The following ZNF724 variants were observed in gnomAD, a reference collection of about 807,000 sequenced individuals.
The protein encoded by ZNF724 is zinc finger protein 724 pseudogene.
ZNF724 carries 14 observed loss-of-function variants against 29.3 expected under a neutral mutation model. The ratio of observed to expected loss-of-function variants is 0.48; its 90% confidence interval spans 0.32 to 0.75. The LOEUF is 0.75. Ranked by LOEUF, ZNF724 falls within the 30% of genes least tolerant of loss-of-function variation. The probability of loss-of-function intolerance (pLI) is 0.04; values close to 1 mark genes in which losing one functional copy is unlikely to be tolerated. For synonymous variants in ZNF724, 180 were observed against 193.6 expected, an observed-to-expected ratio of 0.93 and a Z score of 0.58; for missense variants, 557 against 571.2, an observed-to-expected ratio of 0.98 and a Z score of 0.25.
chr19:23,233,317 G>T (rs2145781251), intron 1 of ZNF724, among the ~76,000 whole-genome samples: 1 of 152,200 alleles, frequency 6.6e-6, no homozygotes, highest in South Asian at 2.1e-4. Context: ...CTAGAGAACA[G>T]GTATCTCCTG....
rs1424292759 is a variant in ZNF724, at chr19:23,223,592, C to A, written c.653G>T (p.Arg218Ile). ...NVSSTLSQHKRIHTGQKHYKC... is the reference protein window; with the variant it reads ...NVSSTLSQHKIIHTGQKHYKC... ...GTAGTGTTTTTGTCCTGTATGAATT[C>A]TCTTATGTTGAGAAAGGGTTGAGGA... The change falls in exon 4 of 4, where the codon AGA (arginine) becomes ATA (isoleucine). Residue 218 changes from arginine to isoleucine, a missense_variant. Transcript: ENST00000418100. The A allele has an allele frequency of 1.4e-6, 1 of 718,040 alleles. No individual in the cohort carries two copies. The allele number at this position is 718,040 out of a possible 1,614,324, so 44.5% of individuals were successfully genotyped here.
chr19:23,223,269 T>A lies in ZNF724; in HGVS notation c.976A>T (p.Thr326Ser). The A allele has an allele frequency of 1.2e-6, 1 of 836,712 alleles. No homozygotes were observed. The highest frequency in any genetic ancestry group is 2.1e-6 in the Non-Finnish European group (1 of 478,268). The allele number at this position is 836,712 out of a possible 1,614,324, so 51.8% of individuals were successfully genotyped here. Residue 326 changes from threonine (T) to serine (S), a missense_variant, in exon 4 of 4, where the codon ACT becomes TCT. By Grantham distance (58) the Thr-to-Ser change is moderately conservative. Transcript: ENST00000418100. The stretch of plus-strand genomic sequence containing the variant: ...CCAGTATGAATTCTCTTATGTTTAG[T>A]AAGGTTCGAGGATTGGTTAAAAGCT... The part of the protein sequence containing the change: ...GRAFNQSSNL[T>S]KHKRIHTGDK...
intron 3 of ZNF724, among the ~76,000 whole-genome samples, chr19:23,224,368 A>C (rs1045121563): frequency 3.3e-5 from 5 of 152,102 alleles, no homozygotes; most frequent in African/African-American, 9.7e-5. Context: ...AGCTGATATC[A>C]CACCAAGGCA....
At chr19:23,226,048 GTCTTT>G (rs1466573606) in intron 3 of ZNF724, among the ~76,000 whole-genome samples, 4 of 116,348 alleles carry the variant, frequency 3.4e-5, no homozygotes, top group Admixed American at 1.2e-4. Context: ...TAGAGAGAGG[GTCTTT>G]TTTTTTTTTT....
rs113912765 is a variant in ZNF724 at position 23,223,318 on chromosome 19, G to T, written c.927C>A (p.Pro309=). The change falls in exon 4 of 4, where the codon CCC becomes CCA. Residue 309 remains proline (P), a synonymous_variant. Transcript: ENST00000418100. ...RHKIIHAGEK[P]YICEHCGRAF... ...CTCTGCCACAATGTTCACATATGTA[G>T]GGCTTCTCTCCAGCATGAATTATCT... 3,773 of 770,742 alleles carry T rather than the reference G, an allele frequency of 4.9e-3. 87 individuals are homozygous for T. In the African/African-American group the frequency reaches 0.055, roughly 11 times the overall value. The allele number at this position is 770,742 out of a possible 1,614,324, so 47.7% of individuals were successfully genotyped here. A position where few individuals can be genotyped will look rare whatever the true frequency, so the allele number is the denominator to read the frequency against.
In ZNF724 at chr19:23,222,806, C is replaced by T; in HGVS notation, c.1439G>A (p.Cys480Tyr). 1 of 1,423,402 alleles carries T rather than the reference C, an allele frequency of 7.0e-7. No homozygotes were observed. Among genetic ancestry groups the T allele is most frequent in the Non-Finnish European group, 9.9e-7 (1 of 1,013,444 alleles). The allele number at this position is 1,423,402 out of a possible 1,614,324, so 88.2% of individuals were successfully genotyped here. A position where few individuals can be genotyped will look rare whatever the true frequency, so the allele number is the denominator to read the frequency against. Reference protein sequence around the residue: ...IIHTGEKPYKCEECGKAFNLS... With the variant: ...IIHTGEKPYKYEECGKAFNLS... Reference sequence around the variant, plus strand: ...GTTAAAAGCTTTGCCACATTCTTCACATTTGTAGGGTTTCTCTCCAGTATG... The same window carrying T: ...GTTAAAAGCTTTGCCACATTCTTCATATTTGTAGGGTTTCTCTCCAGTATG... Residue 480 changes from cysteine (C) to tyrosine (Y), a missense_variant, in exon 4 of 4, where the codon TGT becomes TAT. Around this residue, in one of 3 missense-constraint regions of ZNF724, gnomAD observed 170 missense variants for 220.7 expected, o/e 0.77. Transcript: ENST00000418100.
Position 23,222,609 on chromosome 19 carries a change from A to G in ZNF724, c.1636T>C (p.Tyr546His). The change falls in exon 4 of 4, where the codon TAC becomes CAC. Residue 546 changes from tyrosine (Y) to histidine (H), a missense_variant. By Grantham distance (83) the Tyr-to-His change is moderately conservative (BLOSUM62 2). Coordinates refer to ENST00000418100, the MANE Select transcript of ZNF724 (RefSeq NM_001355404.2). ...ATCTTATGTTGAGTAAGGTTTGAGT[A>G]TTGGTAAAAAGCTTTGCCACATTCT... ...CEECGKAFYQ[Y>H]SNLTQHKIIH... The G allele has an allele frequency of 7.3e-7, 1 of 1,370,216 alleles. No homozygotes were observed. Among genetic ancestry groups the G allele is most frequent in the Non-Finnish European group, 1.0e-6 (1 of 959,708 alleles). The allele number at this position is 1,370,216 out of a possible 1,614,324, so 84.9% of individuals were successfully genotyped here. A position where few individuals can be genotyped will look rare whatever the true frequency, so the allele number is the denominator to read the frequency against.
intron 1 of ZNF724, among the ~76,000 whole-genome samples, chr19:23,247,163 C>T (rs2145797281): frequency 6.6e-6 from 1 of 152,222 alleles, no homozygotes; most frequent in African/African-American, 2.4e-5. Context: ...TCAGAGGCTG[C>T]AGTGAGCTGA....
At chr19:23,248,789 G>A (rs916882101) in intron 1 of ZNF724, among the ~76,000 whole-genome samples, 2 of 151,998 alleles carry the variant, frequency 1.3e-5, no homozygotes, top group East Asian at 3.9e-4. Context: ...GAGGTCAAAA[G>A]GTCGAGACCA....
chr19:23,243,039 C>CAAAA (rs762188669), intron 1 of ZNF724, among the ~76,000 whole-genome samples: 13 of 112,156 alleles, frequency 1.2e-4, no homozygotes, highest in Non-Finnish European at 1.7e-4. Flanking sequence ...AACTCCATCT[C>CAAAA]AAAAAAAAAA....
chr19:23,235,685 T>A (rs924723609), intron 1 of ZNF724, among the ~76,000 whole-genome samples: 2 of 152,184 alleles, frequency 1.3e-5, no homozygotes, highest in African/African-American at 4.8e-5. Flanking sequence ...CTGTGAAGTT[T>A]GTAGAAATCT....
rs761939468 is a variant in ZNF724, at chr19:23,223,055, T to C, written c.1190A>G (p.Glu397Gly). 7.7e-7 allele frequency: 1 copy of C among 1,297,492 alleles called. No individual in the cohort carries two copies. The highest frequency in any genetic ancestry group is 1.7e-5 in the Admixed American group (1 of 59,588). 80.4% of individuals were successfully genotyped at this position (1,297,492 alleles called of 1,614,324 possible). The part of the protein sequence containing the change: ...IHTGEKPYKC[E>G]ECGKAFNTSS... Reference sequence around the variant, plus strand: ...TGTGTTAAAGGCTTTGCCACATTCTTCACATTTGTATGGTTTTTCTCCAGT... The same window carrying C: ...TGTGTTAAAGGCTTTGCCACATTCTCCACATTTGTATGGTTTTTCTCCAGT... Residue 397 changes from glutamate to glycine, a missense_variant, in exon 4 of 4, where the codon GAA (glutamate) becomes GGA (glycine). Glu to Gly is a moderately conservative substitution (Grantham distance 98). Around this residue, in one of 3 missense-constraint regions of ZNF724, gnomAD observed 362 missense variants for 295.5 expected, o/e 1.22. Transcript: ENST00000418100.
chr19:23,240,683 G>T (rs181824939), intron 1 of ZNF724, among the ~76,000 whole-genome samples: 1 of 141,540 alleles, frequency 7.1e-6, no homozygotes, highest in Non-Finnish European at 1.5e-5. Context: ...TCATTCCACC[G>T]CACTCCAGCC....
At chr19:23,246,192 T>C (rs1224321087) in intron 1 of ZNF724, among the ~76,000 whole-genome samples, 1 of 152,134 alleles carries the variant, frequency 6.6e-6, no homozygotes, top group Non-Finnish European at 1.5e-5. Flanking sequence ...ACAGTGCTCA[T>C]ATAAAAGAAA....
rs909525631 is a variant in ZNF724, at chr19:23,245,781, T to C, written c.3+4459A>G. 4.6e-5 allele frequency among the ~76,000 whole-genome samples: 7 copies of C among 152,310 alleles called. No homozygotes were observed. In the South Asian group the frequency reaches 1.5e-3, roughly 32 times the overall value. On this transcript the variant is annotated intron_variant, in intron 1 of 3. Transcript: ENST00000418100. ...AGACCTTATAATTGGTACTTCCTCC[T>C]GTTCCAATACTCCTTTGGAACTTAA...
chr19:23,232,098 A>C, intron 2 of ZNF724, 69 bp downstream of exon 2: 1 of 1,173,448 alleles, frequency 8.5e-7, no homozygotes, highest in African/African-American at 1.5e-5. Context: ...ATTACCAAAA[A>C]ACATCCTACA....
At chr19:23,235,047 G>A (rs1599642428) in intron 1 of ZNF724, among the ~76,000 whole-genome samples, 1 of 152,068 alleles carries the variant, frequency 6.6e-6, no homozygotes, top group East Asian at 1.9e-4. Flanking sequence ...AAAGTTTACA[G>A]AGGCAACAGA....
chr19:23,247,216 G>C (rs1972254246), intron 1 of ZNF724, among the ~76,000 whole-genome samples: 2 of 151,962 alleles, frequency 1.3e-5, no homozygotes, highest in South Asian at 4.1e-4. Context: ...AAATGAGTGA[G>C]ACTCCATTTC....
intron 1 of ZNF724, among the ~76,000 whole-genome samples, chr19:23,248,839 A>G (rs1462970841): frequency 2.0e-5 from 3 of 152,054 alleles, no homozygotes; most frequent in Non-Finnish European, 4.4e-5. Flanking sequence ...TACTAAAAAT[A>G]CAAAAATTAG....
Sources: allele counts gnomAD v4.1 joint callset (sites outside exome capture counted in the v4.1 genomes callset), GRCh38; gene constraint gnomAD v4.1.1; regional missense constraint gnomAD v4.1.1; transcripts MANE v1.5; gene names NCBI Gene and HGNC (gene_info 2026-07-23, HGNC 2026-07-21).